The following SUGCT variants were observed in gnomAD, a reference collection of about 807,000 sequenced individuals.
The protein encoded by SUGCT is succinyl-CoA:glutarate CoA-transferase.
Under a neutral mutation model 55.0 loss-of-function variants are expected in SUGCT, and 41 were observed. The observed-to-expected ratio is 0.74, with a 90% CI of 0.58 to 0.97. SUGCT has a LOEUF of 0.97. Among genes scored for constraint, SUGCT ranks in the 50% least tolerant of loss-of-function variants. The pLI is 0.00. For synonymous variants in SUGCT, 187 were observed against 200.4 expected, an observed-to-expected ratio of 0.93 and a Z score of 0.56; for missense variants, 568 against 547.8, an observed-to-expected ratio of 1.04 and a Z score of -0.37.
intron 12 of SUGCT, among the ~76,000 whole-genome samples, chr7:40,500,807 C>T (rs1285901630): frequency 6.6e-6 from 1 of 151,904 alleles, no homozygotes; most frequent in African/African-American, 2.4e-5. Flanking sequence ...ATATAGCAAA[C>T]TTCAGAAGCA....
At chr7:40,270,152 A>G (rs1038711249) in intron 7 of SUGCT, among the ~76,000 whole-genome samples, 1 of 151,838 alleles carries the variant, frequency 6.6e-6, no homozygotes, top group Non-Finnish European at 1.5e-5. Flanking sequence ...AAAAAAAAAA[A>G]AAAGAAATTC....
chr7:40,551,278 T>C (rs1217491951), intron 12 of SUGCT, among the ~76,000 whole-genome samples: 1 of 152,182 alleles, frequency 6.6e-6, no homozygotes, highest in Non-Finnish European at 1.5e-5. Flanking sequence ...GAATAAGAGG[T>C]TTAAGTACGT....
the SUGCT span, among the ~76,000 whole-genome samples, chr7:40,891,793 A>C: frequency 6.6e-6 from 1 of 152,152 alleles, no homozygotes; most frequent in Non-Finnish European, 1.5e-5. Context: ...GCAGATCATG[A>C]GGTCAGAAGA....
the SUGCT span, among the ~76,000 whole-genome samples, chr7:40,990,195 C>T: frequency 1.3e-5 from 2 of 152,218 alleles, no homozygotes; most frequent in African/African-American, 4.8e-5. Context: ...GTAGAATGCA[C>T]ATTGTGTTAG....
At chr7:40,592,645 T>C (rs1220312389) in intron 12 of SUGCT, among the ~76,000 whole-genome samples, 1 of 152,154 alleles carries the variant, frequency 6.6e-6, no homozygotes, top group African/African-American at 2.4e-5. Context: ...TCTGATTTGT[T>C]TTTAGATTCC....
intron 9 of SUGCT, among the ~76,000 whole-genome samples, chr7:40,372,154 A>G (rs1462330646): frequency 1.3e-5 from 2 of 151,640 alleles, no homozygotes; most frequent in African/African-American, 4.8e-5. Context: ...CTCTTCCTGT[A>G]TTCTTCCAAG....
At chr7:40,645,840 G>A (rs1337660923) in intron 12 of SUGCT, among the ~76,000 whole-genome samples, 1 of 152,124 alleles carries the variant, frequency 6.6e-6, no homozygotes, top group African/African-American at 2.4e-5. Flanking sequence ...GGCTCTATTC[G>A]CAGTGGTAAC....
the SUGCT span, among the ~76,000 whole-genome samples, chr7:40,976,373 T>A: frequency 1.3e-5 from 2 of 152,208 alleles, no homozygotes; most frequent in African/African-American, 4.8e-5. Context: ...CATTGCCTCA[T>A]CTGTGCAGTA....
At chr7:40,515,502 C>T (rs1465397792) in intron 12 of SUGCT, among the ~76,000 whole-genome samples, 4 of 152,178 alleles carry the variant, frequency 2.6e-5, no homozygotes, top group Admixed American at 6.5e-5. Context: ...CGCTGGTAAC[C>T]TAATCTACTT....
intron 9 of SUGCT, among the ~76,000 whole-genome samples, chr7:40,434,810 A>G (rs1462880044): frequency 8.5e-5 from 13 of 152,062 alleles, no homozygotes; most frequent in Admixed American, 8.5e-4. Context: ...TACCTTTTCC[A>G]TCATTTTTTT....
At chr7:40,692,028 G>A (rs1179568114) in intron 12 of SUGCT, among the ~76,000 whole-genome samples, 1 of 152,144 alleles carries the variant, frequency 6.6e-6, no homozygotes, top group African/African-American at 2.4e-5. Context: ...ATTTGAACTA[G>A]ATGTCTCTAA....
rs142539241 is a variant in SUGCT, at chr7:40,224,564, T to C, written c.485-13071T>C. On this transcript the variant is annotated intron_variant, in intron 6 of 13. Coordinates refer to ENST00000335693, the MANE Select transcript of SUGCT (RefSeq NM_001193313.2). ...GAATAATAGTTTTGAAGACTTTTTT[T>C]CCTTAAAAAACAGTGTATGTTGTAG... Among the ~76,000 whole-genome samples the C allele has an allele frequency of 5.3e-4, 80 of 152,248 alleles. 1 individual carries two copies. The East Asian group carries it at 0.014, about 26-fold the overall frequency.
intron 12 of SUGCT, among the ~76,000 whole-genome samples, chr7:40,554,227 G>A (rs548252573): frequency 4.6e-5 from 7 of 152,280 alleles, no homozygotes; most frequent in East Asian, 1.9e-4. Flanking sequence ...GTAAATCTGC[G>A]CAGATGATAA....
the SUGCT span, among the ~76,000 whole-genome samples, chr7:41,025,930 C>A: frequency 1.3e-5 from 2 of 152,134 alleles, no homozygotes; most frequent in Admixed American, 1.3e-4. Context: ...CACATGTTAA[C>A]ATTTGTAAGT....
At chr7:40,362,277 G>A (rs1798193469) in intron 9 of SUGCT, among the ~76,000 whole-genome samples, 1 of 152,030 alleles carries the variant, frequency 6.6e-6, no homozygotes, top group Non-Finnish European at 1.5e-5. Flanking sequence ...AAATTAGCTG[G>A]GTGTGGTGGC....
the SUGCT span, among the ~76,000 whole-genome samples, chr7:40,949,728 T>G: frequency 6.6e-6 from 1 of 152,242 alleles, no homozygotes; most frequent in Non-Finnish European, 1.5e-5. Context: ...TCCCCATTTC[T>G]TGTTTTTGTC....
intron 9 of SUGCT, 79 bp from the exon 10 acceptor site, chr7:40,449,208 T>G: frequency 1.1e-6 from 1 of 903,142 alleles, no homozygotes; most frequent in Non-Finnish European, 1.7e-6. Flanking sequence ...AAGCTTTCTA[T>G]ATAGATATTT....
chr7:40,924,239 C>G, the SUGCT span, among the ~76,000 whole-genome samples: 1 of 149,262 alleles, frequency 6.7e-6, no homozygotes, highest in Non-Finnish European at 1.5e-5. Flanking sequence ...TTATCTTCAG[C>G]CAAGGTGGCC....
intron 12 of SUGCT, among the ~76,000 whole-genome samples, chr7:40,627,030 G>A (rs1799557617): frequency 6.6e-6 from 1 of 152,144 alleles, no homozygotes; most frequent in Non-Finnish European, 1.5e-5. Context: ...GCATTGCAAA[G>A]GTATTGCAAA....
Sources: gnomAD v4.1 joint callset for allele counts (sites outside exome capture counted in the v4.1 genomes callset) on GRCh38, gnomAD v4.1.1 for gene constraint, MANE v1.5 for transcripts, NCBI Gene and HGNC (gene_info 2026-07-23, HGNC 2026-07-21) for gene names.